The following HS6ST2 variants were observed in gnomAD, a reference collection of about 807,000 sequenced individuals.
HS6ST2 encodes heparan sulfate 6-O-sulfotransferase 2.
HS6ST2 carries 17 observed loss-of-function variants against 33.0 expected under a neutral mutation model. That is an observed-to-expected ratio of 0.52 (90% confidence interval 0.35 to 0.77). HS6ST2 has a LOEUF of 0.77. Ranked by LOEUF, HS6ST2 falls within the 30% of genes least tolerant of loss-of-function variation. HS6ST2 has a pLI of 0.01. For missense variants in HS6ST2, 519 were observed against 551.7 expected, an observed-to-expected ratio of 0.94 and a Z score of 0.59; for synonymous variants, 248 against 237.1, an observed-to-expected ratio of 1.05 and a Z score of -0.42.
At chrX:132,866,296 C>T (rs956921829) in intron 2 of HS6ST2, among the ~76,000 whole-genome samples, 9 of 109,170 alleles carry the variant, frequency 8.2e-5, no homozygotes, top group African/African-American at 2.7e-4. Context: ...TTGTAGATAG[C>T]AGCGTTATTT....
At chrX:132,925,430 C>T (rs1470791752) in intron 2 of HS6ST2, among the ~76,000 whole-genome samples, 1 of 111,944 alleles carries the variant, frequency 8.9e-6, no homozygotes, top group African/African-American at 3.2e-5. Context: ...CAGGTGACAA[C>T]CTGGGACTTG....
intron 2 of HS6ST2, among the ~76,000 whole-genome samples, chrX:132,947,029 A>C (rs2066964546): frequency 8.9e-6 from 1 of 111,761 alleles, no homozygotes; most frequent in Non-Finnish European, 1.9e-5. Context: ...ACACGCACTC[A>C]GGTTTAACAC....
chrX:132,957,184 G>A lies in HS6ST2; in HGVS notation c.571C>T (p.Pro191Ser). ...LRLQAFSSPVPDPYRSEDESS... is the reference protein window; with the variant it reads ...LRLQAFSSPVSDPYRSEDESS... ...TCATCCTCCGAGCGGTACGGGTCCGGCACCGGGGAGCTGAACGCCTGCAGG... is the reference window on the plus strand; with the variant it reads ...TCATCCTCCGAGCGGTACGGGTCCGACACCGGGGAGCTGAACGCCTGCAGG... The change falls in exon 2 of 5, where the codon CCG (proline) becomes TCG (serine). Residue 191 changes from proline (P) to serine (S), a missense_variant. Physicochemically the swap from Pro to Ser is moderately conservative, Grantham distance 74. Transcript: ENST00000370833. The A allele has an allele frequency of 1.7e-6, 2 of 1,211,437 alleles. No homozygotes were observed. The highest frequency in any genetic ancestry group is 2.2e-6 in the Non-Finnish European group (2 of 895,233).
At chrX:132,713,385 C>T (rs760420018) in intron 2 of HS6ST2, among the ~76,000 whole-genome samples, 58 of 111,734 alleles carry the variant, frequency 5.2e-4, no homozygotes, top group Non-Finnish European at 1.0e-3. Context: ...AGTGAGTCTG[C>T]GGCAGGCCTG....
chrX:132,835,106 T>C (rs1165884308), intron 2 of HS6ST2, among the ~76,000 whole-genome samples: 2 of 112,269 alleles, frequency 1.8e-5, no homozygotes, highest in Non-Finnish European at 3.8e-5. Flanking sequence ...AAGAAATCCA[T>C]TCCTTTTAGC....
At chrX:132,839,065 T>A in intron 2 of HS6ST2, among the ~76,000 whole-genome samples, 1 of 81,488 alleles carries the variant, frequency 1.2e-5, no homozygotes, top group Non-Finnish European at 2.3e-5. Flanking sequence ...TGGAAAACAG[T>A]ATGAAGATTC....
At chrX:132,790,713 A>G (rs1212138030) in intron 2 of HS6ST2, among the ~76,000 whole-genome samples, 2 of 112,424 alleles carry the variant, frequency 1.8e-5, no homozygotes, top group African/African-American at 6.5e-5. Context: ...CCAAAAATGA[A>G]TTCAGAAAAT....
chrX:132,811,549 T>C (rs752897015), intron 2 of HS6ST2, among the ~76,000 whole-genome samples: 1 of 106,413 alleles, frequency 9.4e-6, no homozygotes, highest in Non-Finnish European at 1.9e-5. Flanking sequence ...AGGTACTTCA[T>C]ACAAGGGGAA....
At chrX:132,733,353 G>A (rs1338796822) in intron 2 of HS6ST2, among the ~76,000 whole-genome samples, 2 of 109,228 alleles carry the variant, frequency 1.8e-5, no homozygotes, top group Non-Finnish European at 3.8e-5. Flanking sequence ...TATTAAACAG[G>A]ATATCTAGTA....
At chrX:132,855,971 C>T (rs186048945) in intron 2 of HS6ST2, among the ~76,000 whole-genome samples, 9 of 110,817 alleles carry the variant, frequency 8.1e-5, no homozygotes, top group Non-Finnish European at 1.3e-4. Context: ...TTACTGTGTA[C>T]ATTTAAACTT....
At chrX:132,892,105 G>T (rs1296693786) in intron 2 of HS6ST2, among the ~76,000 whole-genome samples, 1 of 112,178 alleles carries the variant, frequency 8.9e-6, no homozygotes, top group Non-Finnish European at 1.9e-5. Flanking sequence ...GTATCTCATT[G>T]TGGTTTTGAT....
chrX:132,641,393 C>T (rs1193924827), intron 4 of HS6ST2, among the ~76,000 whole-genome samples: 3 of 112,454 alleles, frequency 2.7e-5, no homozygotes, highest in African/African-American at 9.7e-5. Context: ...GTGATCTGCC[C>T]GCCTCGACCT....
chrX:132,920,300 T>C (rs1390309200), intron 2 of HS6ST2, among the ~76,000 whole-genome samples: 1 of 109,994 alleles, frequency 9.1e-6, no homozygotes, highest in Non-Finnish European at 1.9e-5. Flanking sequence ...GTCCTGGAAG[T>C]GTGTCAATCT....
intron 3 of HS6ST2, among the ~76,000 whole-genome samples, chrX:132,670,942 C>T (rs2063869067): frequency 1.8e-5 from 2 of 112,362 alleles, no homozygotes; most frequent in African/African-American, 6.5e-5. Flanking sequence ...CACATTCTAT[C>T]CCAGAGGAGG....
rs146651716 is a variant in HS6ST2 at position 132,831,623 on chromosome X, A to C, written c.948-123129T>G. Among the ~76,000 whole-genome samples, 587 of 111,832 alleles carry C rather than the reference A, an allele frequency of 5.2e-3. 2 individuals are homozygous for C. Among genetic ancestry groups the C allele is most frequent in the Non-Finnish European group, 8.3e-3 (442 of 53,146 alleles). On this transcript the variant is annotated intron_variant, in intron 2 of 4. Coordinates refer to ENST00000370833, the MANE Select transcript of HS6ST2 (RefSeq NM_001394073.1). The stretch of plus-strand genomic sequence containing the variant: ...TCTCATCTACTAAAATGTACCCGAC[A>C]GCTGTACTTAATAAGGCTGGAAGGA...
Position 132,778,396 on chromosome X carries a change from TG to T in HS6ST2, c.948-69903del, listed in dbSNP as rs1218777073. Among the ~76,000 whole-genome samples, 18 of 111,354 alleles carry T rather than the reference TG, an allele frequency of 1.6e-4. No individual in the cohort carries two copies. The East Asian group carries it at 4.5e-3, about 28-fold the overall frequency. The stretch of plus-strand genomic sequence containing the variant: ...AACGTTGTTTTGTTTTGTTTTGTTT[TG>T]TTTTTTTGTTTTTTGTTTTTGAGAT... On this transcript the variant is annotated intron_variant, in intron 2 of 4. Coordinates refer to ENST00000370833, the MANE Select transcript of HS6ST2 (RefSeq NM_001394073.1).
At chrX:132,672,148 G>A (rs896001496) in intron 3 of HS6ST2, among the ~76,000 whole-genome samples, 9 of 111,458 alleles carry the variant, frequency 8.1e-5, no homozygotes, top group Non-Finnish European at 1.7e-4. Flanking sequence ...GCTGCAGACT[G>A]TCTGGGAACT....
chrX:132,708,525 G>T lies in HS6ST2; in HGVS notation c.948-31C>A, dbSNP rs200675317. On this transcript the variant is annotated intron_variant, in intron 2 of 4. Coordinates refer to ENST00000370833, the MANE Select transcript of HS6ST2 (RefSeq NM_001394073.1). ...AAAGGAACAGTAAAACCAGTCGCTA[G>T]CAAGAGCTTGGTAGGAGAGGAGATA... 3 of 1,146,352 alleles carry T rather than the reference G, an allele frequency of 2.6e-6. No individual in the cohort carries two copies. In the African/African-American group the frequency reaches 5.4e-5, roughly 21 times the overall value. The allele number at this position is 1,146,352 out of a possible 1,213,427, so 94.5% of individuals were successfully genotyped here. A position where few individuals can be genotyped will look rare whatever the true frequency, so the allele number is the denominator to read the frequency against.
chrX:132,718,401 A>G (rs1339296243), intron 2 of HS6ST2, among the ~76,000 whole-genome samples: 1 of 111,902 alleles, frequency 8.9e-6, no homozygotes, highest in Non-Finnish European at 1.9e-5. Flanking sequence ...TCAAGGTCAT[A>G]CAGTTAATAA....
Sources: gnomAD v4.1 joint callset for allele counts (sites outside exome capture counted in the v4.1 genomes callset) on GRCh38, gnomAD v4.1.1 for gene constraint, MANE v1.5 for transcripts, NCBI Gene and HGNC (gene_info 2026-07-23, HGNC 2026-07-21) for gene names.